Variants in CAMK1D observed in about 807,000 individuals in gnomAD.
CAMK1D encodes the protein calcium/calmodulin-dependent protein kinase type 1D.
Under a neutral mutation model 47.7 loss-of-function variants are expected in CAMK1D, and 9 were observed. The observed-to-expected ratio is 0.19, with a 90% CI of 0.11 to 0.33. The LOEUF (loss-of-function observed/expected upper bound fraction) is 0.33. Among genes scored for constraint, CAMK1D ranks in the 10% least tolerant of loss-of-function variants. CAMK1D has a pLI of 1.00. For synonymous variants in CAMK1D, 184 were observed against 184.9 expected (o/e 0.99, Z 0.04); for missense variants, 291 against 488.7 (o/e 0.60, Z 3.81).
chr10:12,551,478 G>A (rs776988324), intron 1 of CAMK1D, among the ~76,000 whole-genome samples: 10 of 152,178 alleles, frequency 6.6e-5, no homozygotes, highest in Admixed American at 1.3e-4. Flanking sequence ...AAAGTGGCTG[G>A]GCGTGGTGGT....
chr10:12,635,969 C>G (rs1370764578), intron 2 of CAMK1D, among the ~76,000 whole-genome samples: 1 of 152,206 alleles, frequency 6.6e-6, no homozygotes, highest in Non-Finnish European at 1.5e-5. Flanking sequence ...CTCTTGATTA[C>G]TGTGGAGGTT....
chr10:12,764,778 C>A (rs946662548), intron 4 of CAMK1D, among the ~76,000 whole-genome samples: 2 of 152,154 alleles, frequency 1.3e-5, no homozygotes, highest in Non-Finnish European at 2.9e-5. Flanking sequence ...CTTGTTTCAA[C>A]TGATTGGCGA....
chr10:12,499,800 G>A (rs541588881), intron 1 of CAMK1D, among the ~76,000 whole-genome samples: 3 of 152,276 alleles, frequency 2.0e-5, no homozygotes, highest in Admixed American at 6.5e-5. Flanking sequence ...GGGTGTCTCT[G>A]CCAAGCAGAG....
intron 2 of CAMK1D, among the ~76,000 whole-genome samples, chr10:12,633,503 T>G (rs1839435120): frequency 6.6e-6 from 1 of 152,178 alleles, no homozygotes; most frequent in South Asian, 2.1e-4. Context: ...GAGCAGACAC[T>G]CAGGGTGGCT....
chr10:12,805,194 G>A (rs187278313), intron 6 of CAMK1D, among the ~76,000 whole-genome samples: 1 of 151,078 alleles, frequency 6.6e-6, no homozygotes, highest in Non-Finnish European at 1.5e-5. Flanking sequence ...AGGAGGTAGA[G>A]GTTGCAGTGA....
chr10:12,634,022 T>C (rs1015394845), intron 2 of CAMK1D, among the ~76,000 whole-genome samples: 1 of 152,228 alleles, frequency 6.6e-6, no homozygotes, highest in Non-Finnish European at 1.5e-5. Context: ...AGGGATCACC[T>C]GAGCTGCTCC....
chr10:12,579,063 T>C (rs1196481619), intron 2 of CAMK1D, among the ~76,000 whole-genome samples: 1 of 151,114 alleles, frequency 6.6e-6, no homozygotes, highest in Non-Finnish European at 1.5e-5. Context: ...GGAAGGGGCT[T>C]TCACCGAGAA....
At chr10:12,694,453 T>C (rs1483159585) in intron 3 of CAMK1D, among the ~76,000 whole-genome samples, 1 of 114,028 alleles carries the variant, frequency 8.8e-6, no homozygotes, top group East Asian at 2.7e-4. Flanking sequence ...ATATGAAATA[T>C]ATATGTTATA....
intron 4 of CAMK1D, among the ~76,000 whole-genome samples, chr10:12,769,245 G>A (rs962628654): frequency 6.6e-6 from 1 of 152,198 alleles, no homozygotes; most frequent in African/African-American, 2.4e-5. Flanking sequence ...AGCAGGGCGT[G>A]TTGCTGAGGG....
At chr10:12,528,170 A>G (rs1305944726) in intron 1 of CAMK1D, among the ~76,000 whole-genome samples, 5 of 152,250 alleles carry the variant, frequency 3.3e-5, no homozygotes, top group African/African-American at 4.8e-5. Context: ...CCAAGGTCAC[A>G]TAGCTAGTTA....
intron 6 of CAMK1D, among the ~76,000 whole-genome samples, chr10:12,801,989 G>A (rs749090524): frequency 7.9e-5 from 12 of 152,186 alleles, no homozygotes; most frequent in East Asian, 1.9e-4. Flanking sequence ...GGAAAAAGTC[G>A]CCCTTTTTCC....
At chr10:12,639,671 C>G (rs967912039) in intron 2 of CAMK1D, among the ~76,000 whole-genome samples, 1 of 152,056 alleles carries the variant, frequency 6.6e-6, no homozygotes, top group African/African-American at 2.4e-5. Flanking sequence ...TAATGTTTAT[C>G]TACTTTATAA....
At chr10:12,582,072 G>A (rs889278914) in intron 2 of CAMK1D, among the ~76,000 whole-genome samples, 11 of 152,114 alleles carry the variant, frequency 7.2e-5, no homozygotes, top group African/African-American at 1.2e-4. Flanking sequence ...TGTATAAAGC[G>A]AGGGATGAGG....
At chr10:12,710,298 AAC>A (rs1314795396) in intron 3 of CAMK1D, among the ~76,000 whole-genome samples, 1 of 152,218 alleles carries the variant, frequency 6.6e-6, no homozygotes, top group Non-Finnish European at 1.5e-5. Flanking sequence ...CGTTGTAAGT[AAC>A]ACACTACTGC....
At chr10:12,368,512 A>G (rs184518502) in intron 1 of CAMK1D, among the ~76,000 whole-genome samples, 258 of 152,280 alleles carry the variant, frequency 1.7e-3, no homozygotes, top group Non-Finnish European at 3.1e-3. Flanking sequence ...TTCAGGACCT[A>G]TGAGGCCTTG....
At chr10:12,613,280 C>T (rs188431959) in intron 2 of CAMK1D, among the ~76,000 whole-genome samples, 102 of 152,288 alleles carry the variant, frequency 6.7e-4, no homozygotes, top group African/African-American at 2.4e-3. Flanking sequence ...TAGATGGCTC[C>T]CTATAACGGG....
chr10:12,556,778 A>G (rs1459644932), intron 2 of CAMK1D, among the ~76,000 whole-genome samples: 1 of 152,232 alleles, frequency 6.6e-6, no homozygotes, highest in African/African-American at 2.4e-5. Context: ...CAACATGATC[A>G]AGATTAATTT....
chr10:12,684,062 T>G (rs2895526), intron 3 of CAMK1D, among the ~76,000 whole-genome samples: 8 of 151,920 alleles, frequency 5.3e-5, no homozygotes, highest in Non-Finnish European at 2.9e-5. Flanking sequence ...AGGGTATTTC[T>G]TGTCTTTGAG....
intron 4 of CAMK1D, among the ~76,000 whole-genome samples, chr10:12,769,072 T>C (rs1360215532): frequency 6.6e-6 from 1 of 152,112 alleles, no homozygotes; most frequent in East Asian, 1.9e-4. Flanking sequence ...CAAACAGAAG[T>C]GCGGACCCCT....
Sources: gnomAD v4.1 joint callset for allele counts (sites outside exome capture counted in the v4.1 genomes callset) on GRCh38, gnomAD v4.1.1 for gene constraint, MANE v1.5 for transcripts, NCBI Gene and HGNC (gene_info 2026-07-23, HGNC 2026-07-21) for gene names.